Variants in ELAVL2 observed in about 807,000 individuals in gnomAD.
The protein encoded by ELAVL2 is ELAV-like protein 2.
In ELAVL2, 4 loss-of-function variants were observed where a neutral mutation model predicts 34.6. The ratio of observed to expected loss-of-function variants is 0.12; its 90% CI spans 0.06 to 0.26. ELAVL2 has a LOEUF of 0.26. Among genes scored for constraint, ELAVL2 ranks in the 10% least tolerant of loss-of-function variants. The pLI, the probability that ELAVL2 is intolerant of heterozygous loss-of-function variation, is 1.00. For synonymous variants in ELAVL2, 193 were observed against 154.8 expected (o/e 1.25, Z -1.83); for missense variants, 432 against 442.8 (o/e 0.98, Z 0.22).
In ELAVL2 at chr9:23,745,917, C is replaced by G. The variant is rs368577268; in HGVS notation, c.230-14792G>C. Among the ~76,000 whole-genome samples the G allele has an allele frequency of 2.6e-5, 4 of 152,156 alleles. No homozygotes were observed. In the East Asian group the frequency reaches 5.8e-4, roughly 22 times the overall value. ...AAAAAGACCTGCTGTGTGAATGCTACTGCTAGTAGTCATCTCAGTCATTCT... is the reference window on the plus strand; with the variant it reads ...AAAAAGACCTGCTGTGTGAATGCTAGTGCTAGTAGTCATCTCAGTCATTCT... On this transcript the variant is annotated intron_variant, in intron 2 of 6. Transcript: ENST00000397312.
intron 1 of ELAVL2, among the ~76,000 whole-genome samples, chr9:23,791,967 T>C (rs915069573): frequency 6.6e-6 from 1 of 152,214 alleles, no homozygotes; most frequent in Non-Finnish European, 1.5e-5. Flanking sequence ...TCCTGGAATC[T>C]GAACCTTAGG....
chr9:23,703,023 C>T (rs2038004807), intron 4 of ELAVL2, among the ~76,000 whole-genome samples: 1 of 137,392 alleles, frequency 7.3e-6, no homozygotes, highest in Non-Finnish European at 1.5e-5. Context: ...GGTGGTCCTC[C>T]TACTTAAGCA....
At position 23,744,121 on chromosome 9, in the gene ELAVL2, G is replaced by A. The variant is rs530834752; in HGVS notation, c.230-12996C>T. 6.5e-3 allele frequency among the ~76,000 whole-genome samples: 990 copies of A among 152,288 alleles called. 13 individuals carry two copies. The highest frequency in any genetic ancestry group is 0.027 in the South Asian group (130 of 4,822). On this transcript the variant is annotated intron_variant, in intron 2 of 6. Coordinates refer to ENST00000397312, the MANE Select transcript of ELAVL2 (RefSeq NM_004432.5). ...TCCAGCTAACTAGCCTTATGAATTT[G>A]AGATTGGGATCTCATCTGTGGGAAA... is the stretch of plus-strand genomic sequence containing the variant.
intron 1 of ELAVL2, among the ~76,000 whole-genome samples, chr9:23,795,918 C>G (rs999195613): frequency 2.0e-5 from 3 of 152,164 alleles, no homozygotes; most frequent in East Asian, 3.9e-4. Context: ...GCAGCACCAC[C>G]ACCTTCTTAC....
intron 1 of ELAVL2, among the ~76,000 whole-genome samples, chr9:23,795,932 C>A (rs1462295193): frequency 6.6e-6 from 1 of 152,158 alleles, no homozygotes; most frequent in Non-Finnish European, 1.5e-5. Context: ...TTCTTACAAA[C>A]CGGGGGAAAA....
At chr9:23,784,151 T>C (rs991523265) in intron 1 of ELAVL2, among the ~76,000 whole-genome samples, 4 of 151,902 alleles carry the variant, frequency 2.6e-5, no homozygotes, top group African/African-American at 7.3e-5. Context: ...TGAGCCGAGA[T>C]TGCGCCACGA....
intron 2 of ELAVL2, among the ~76,000 whole-genome samples, chr9:23,747,793 T>C (rs1329044): frequency 0.14 from 20,704 of 152,182 alleles, 1,820 homozygotes; most frequent in South Asian, 0.24. Context: ...GCTTTTCAGT[T>C]GTCAATAGCC....
At chr9:23,721,907 C>G (rs2134109787) in intron 3 of ELAVL2, among the ~76,000 whole-genome samples, 1 of 152,312 alleles carries the variant, frequency 6.6e-6, no homozygotes, top group Admixed American at 6.5e-5. Context: ...AGTAAGGCTT[C>G]TAGTCAACAG....
intron 1 of ELAVL2, among the ~76,000 whole-genome samples, chr9:23,789,613 T>G (rs2060102731): frequency 1.3e-5 from 2 of 152,158 alleles, no homozygotes; most frequent in South Asian, 4.1e-4. Flanking sequence ...CCTTATTTTG[T>G]CTTAAGATGA....
the ELAVL2 span, among the ~76,000 whole-genome samples, chr9:23,837,442 G>A: frequency 4.6e-5 from 7 of 152,150 alleles, no homozygotes; most frequent in Admixed American, 3.9e-4. Flanking sequence ...GAGAAGACTA[G>A]ATTAGTAATA....
intron 3 of ELAVL2, among the ~76,000 whole-genome samples, chr9:23,724,261 A>G (rs760241278): frequency 3.9e-5 from 6 of 152,146 alleles, no homozygotes; most frequent in Non-Finnish European, 5.9e-5. Context: ...CACTGCCACC[A>G]AGAACCCTGT....
chr9:23,729,687 T>C, intron 3 of ELAVL2, among the ~76,000 whole-genome samples: 1 of 152,072 alleles, frequency 6.6e-6, no homozygotes, highest in East Asian at 1.9e-4. Context: ...GGACCTCTCA[T>C]ACCCTAGTAT....
At chr9:23,755,931 A>G (rs923087819) in intron 2 of ELAVL2, among the ~76,000 whole-genome samples, 2 of 152,116 alleles carry the variant, frequency 1.3e-5, no homozygotes, top group African/African-American at 4.8e-5. Context: ...TGACATACAA[A>G]ATCACATTTT....
Position 23,694,298 on chromosome 9 carries a change from G to A in ELAVL2, c.714-812C>T, listed in dbSNP as rs114489424. Reference sequence around the variant, plus strand: ...TTATAGAAAGTAAATAGGGGTGGGGGTGGAGGTGTAAGTACTCTTTAAAAC... The same window carrying A: ...TTATAGAAAGTAAATAGGGGTGGGGATGGAGGTGTAAGTACTCTTTAAAAC... On this transcript the variant is annotated intron_variant, in intron 5 of 6. Transcript: ENST00000397312. Among the ~76,000 whole-genome samples the A allele has an allele frequency of 3.4e-3, 522 of 151,642 alleles. 2 individuals carry two copies. Among genetic ancestry groups the A allele is most frequent in the African/African-American group, 0.012 (480 of 41,280 alleles).
At chr9:23,707,511 C>T (rs992752649) in intron 3 of ELAVL2, among the ~76,000 whole-genome samples, 26 of 152,140 alleles carry the variant, frequency 1.7e-4, no homozygotes, top group African/African-American at 6.3e-4. Flanking sequence ...TACACATTCT[C>T]CAAGGAGGCT....
the ELAVL2 span, among the ~76,000 whole-genome samples, chr9:23,845,353 A>G: frequency 6.6e-6 from 1 of 151,848 alleles, no homozygotes; most frequent in African/African-American, 2.4e-5. Flanking sequence ...ATCATGTAAT[A>G]TAAATTTCCA....
At chr9:23,834,408 G>A in the ELAVL2 span, among the ~76,000 whole-genome samples, 1 of 151,870 alleles carries the variant, frequency 6.6e-6, no homozygotes, top group East Asian at 1.9e-4. Context: ...GATTTCACGG[G>A]TCCTTGGACA....
chr9:23,781,518 CTT>C (rs34293408), intron 1 of ELAVL2, among the ~76,000 whole-genome samples: 33 of 135,730 alleles, frequency 2.4e-4, no homozygotes, highest in Admixed American at 3.8e-4. Flanking sequence ...TTTTTCTTTC[CTT>C]TTTTTTTTTT....
intron 4 of ELAVL2, among the ~76,000 whole-genome samples, chr9:23,703,995 T>C (rs959633691): frequency 6.6e-6 from 1 of 151,928 alleles, no homozygotes; most frequent in South Asian, 2.1e-4. Context: ...TGCAATGGCA[T>C]GATCTCAGCT....
Sources: allele counts gnomAD v4.1 joint callset (sites outside exome capture counted in the v4.1 genomes callset), GRCh38; gene constraint gnomAD v4.1.1; transcripts MANE v1.5; gene names NCBI Gene and HGNC (gene_info 2026-07-23, HGNC 2026-07-21).